The following ROBO2 variants were observed in gnomAD, a reference collection of about 807,000 sequenced individuals.
ROBO2 encodes the protein roundabout guidance receptor 2, also known as roundabout homolog 2.
A neutral mutation model predicts 160.8 loss-of-function variants in ROBO2; 53 were observed. The observed-to-expected ratio is 0.33, with a 90% confidence interval of 0.26 to 0.41. The LOEUF (loss-of-function observed/expected upper bound fraction) is 0.41. Ranked by LOEUF, ROBO2 falls within the 10% of genes least tolerant of loss-of-function variation. The pLI, the probability that ROBO2 is intolerant of heterozygous loss-of-function variation, is 1.00. For synonymous variants in ROBO2, 664 were observed against 611.7 expected (o/e 1.09, Z -1.26); for missense variants, 1,577 against 1,722.4 (o/e 0.92, Z 1.49).
At chr3:76,657,199 G>A (rs896161142) in intron 2 of ROBO2, among the ~76,000 whole-genome samples, 5 of 151,938 alleles carry the variant, frequency 3.3e-5, no homozygotes, top group Non-Finnish European at 5.9e-5. Context: ...GCCGAGGCAG[G>A]CAGATCACGA....
chr3:76,453,443 C>T (rs2109303328), intron 2 of ROBO2, among the ~76,000 whole-genome samples: 1 of 152,290 alleles, frequency 6.6e-6, no homozygotes, highest in South Asian at 2.1e-4. Context: ...AATCCTTTCC[C>T]CATTGCTTGT....
chr3:76,963,798 C>A (rs72900193), intron 2 of ROBO2, among the ~76,000 whole-genome samples: 1,031 of 87,354 alleles, frequency 0.012, 11 homozygotes, highest in African/African-American at 0.044. Flanking sequence ...TTTAAACTGG[C>A]AAACTAAAGT....
At chr3:77,101,067 A>T (rs968350337) in intron 2 of ROBO2, among the ~76,000 whole-genome samples, 2 of 152,210 alleles carry the variant, frequency 1.3e-5, no homozygotes, top group Admixed American at 6.5e-5. Context: ...CTATTTTGTT[A>T]TGAGAAAAGA....
intron 2 of ROBO2, among the ~76,000 whole-genome samples, chr3:76,637,272 G>A (rs1036534170): frequency 1.3e-5 from 2 of 152,068 alleles, no homozygotes; most frequent in African/African-American, 2.4e-5. Context: ...GAGATGTTGA[G>A]GTTCACCAGG....
chr3:77,568,141 TAC>T (rs1192567398), intron 12 of ROBO2, among the ~76,000 whole-genome samples, 170 bp from the exon 14 acceptor site: 1 of 152,080 alleles, frequency 6.6e-6, no homozygotes, highest in Non-Finnish European at 1.5e-5. Flanking sequence ...CATTATGTCC[TAC>T]CACAGTGGTA....
At chr3:77,033,289 T>G (rs908033429) in intron 2 of ROBO2, among the ~76,000 whole-genome samples, 66 of 152,136 alleles carry the variant, frequency 4.3e-4, no homozygotes, top group Non-Finnish European at 1.6e-4. Flanking sequence ...TACTTCAGTG[T>G]TAGATTAGAG....
intron 2 of ROBO2, among the ~76,000 whole-genome samples, chr3:77,241,870 A>G (rs1340608090): frequency 6.6e-6 from 1 of 152,188 alleles, no homozygotes; most frequent in Non-Finnish European, 1.5e-5. Context: ...GGAATCTAAA[A>G]CACCAAGTGC....
chr3:77,544,792 T>C (rs911906056), intron 6 of ROBO2, among the ~76,000 whole-genome samples: 6 of 152,122 alleles, frequency 3.9e-5, no homozygotes, highest in Non-Finnish European at 7.4e-5. Context: ...GTCTCAGTTT[T>C]CTAGCCTAAG....
At chr3:75,937,455 T>C (rs765744815) in intron 1 of ROBO2, 62 of 1,311,092 alleles carry the variant, frequency 4.7e-5, no homozygotes, top group Non-Finnish European at 6.1e-5. Flanking sequence ...TATTGTACTT[T>C]CACATCCACC....
intron 2 of ROBO2, among the ~76,000 whole-genome samples, chr3:77,119,797 C>A (rs1181469387): frequency 6.6e-6 from 1 of 152,150 alleles, no homozygotes; most frequent in East Asian, 1.9e-4. Flanking sequence ...TCTGGACTGG[C>A]AGTCTAAGAG....
chr3:76,820,080 G>A (rs1559554822), intron 2 of ROBO2, among the ~76,000 whole-genome samples: 1 of 151,898 alleles, frequency 6.6e-6, no homozygotes, highest in Non-Finnish European at 1.5e-5. Flanking sequence ...GTTCAATATC[G>A]CCCTGCTAAC....
Position 76,418,479 on chromosome 3 carries a change from T to A in ROBO2, c.109+480877T>A, listed in dbSNP as rs536577342. On this transcript the variant is annotated intron_variant, in intron 2 of 26. Coordinates refer to the ROBO2 transcript ENST00000487694. ...TGGTCTCGACCTCTTGACCTCATGA[T>A]CCACCCGCCTCGGCCTCCCAAGTGT... is the stretch of plus-strand genomic sequence containing the variant. Among the ~76,000 whole-genome samples, 380 of 152,214 alleles carry A rather than the reference T, an allele frequency of 2.5e-3. 2 individuals are homozygous for A. The highest frequency in any genetic ancestry group is 8.7e-3 in the African/African-American group (361 of 41,534).
At chr3:76,831,307 G>A (rs1240654266) in intron 2 of ROBO2, among the ~76,000 whole-genome samples, 3 of 152,070 alleles carry the variant, frequency 2.0e-5, no homozygotes, top group Non-Finnish European at 4.4e-5. Context: ...AAAAATATGC[G>A]ATTTTGTAAT....
chr3:76,570,338 A>G (rs2084882412), intron 2 of ROBO2, among the ~76,000 whole-genome samples: 1 of 152,228 alleles, frequency 6.6e-6, no homozygotes, highest in Non-Finnish European at 1.5e-5. Flanking sequence ...CATCTGTGGC[A>G]TACTTAAAAC....
At chr3:76,834,094 C>CTTTCTTTCT (rs2067401613) in intron 2 of ROBO2, among the ~76,000 whole-genome samples, 1 of 119,860 alleles carries the variant, frequency 8.3e-6, no homozygotes, top group South Asian at 2.7e-4. Context: ...TTCTTTCTTT[C>CTTTCTTTCT]TTTCTTTCTT....
intron 2 of ROBO2, among the ~76,000 whole-genome samples, chr3:76,845,055 T>A (rs921032776): frequency 2.6e-5 from 4 of 151,972 alleles, no homozygotes; most frequent in African/African-American, 9.7e-5. Context: ...TGGTCATCAT[T>A]TTGAAACGTA....
intron 25 of ROBO2, 87 bp downstream of exon 27, chr3:77,644,991 T>G: frequency 1.5e-6 from 2 of 1,368,022 alleles, no homozygotes; most frequent in East Asian, 4.6e-5. Context: ...AATTTCAGAT[T>G]AATAGAAAAC....
intron 2 of ROBO2, among the ~76,000 whole-genome samples, chr3:76,640,229 G>T (rs541501858): frequency 7.2e-5 from 11 of 152,234 alleles, no homozygotes; most frequent in African/African-American, 2.6e-4. Context: ...TAAACAGATA[G>T]ACATCAAAAT....
chr3:76,511,994 T>C (rs1163190070), intron 2 of ROBO2, among the ~76,000 whole-genome samples: 1 of 152,084 alleles, frequency 6.6e-6, no homozygotes, highest in Non-Finnish European at 1.5e-5. Flanking sequence ...AAAGTGCCTA[T>C]AGATGACATG....
Sources: allele counts gnomAD v4.1 joint callset (sites outside exome capture counted in the v4.1 genomes callset), GRCh38; gene constraint gnomAD v4.1.1; transcripts MANE v1.5; gene names NCBI Gene and HGNC (gene_info 2026-07-23, HGNC 2026-07-21).